CERS6: variants seen among roughly 807,000 people sequenced by gnomAD.
The protein encoded by CERS6 is ceramide synthase 6.
Under a neutral mutation model 56.8 loss-of-function variants are expected in CERS6, and 26 were observed. The observed-to-expected ratio is 0.46, with a 90% CI of 0.34 to 0.63. The LOEUF (loss-of-function observed/expected upper bound fraction) is 0.63. CERS6 is among the 30% of genes least tolerant of loss of function. The pLI, the probability that CERS6 is intolerant of heterozygous loss-of-function variation, is 0.01. For synonymous variants in CERS6, 164 were observed against 173.3 expected, an observed-to-expected ratio of 0.95 and a Z score of 0.42; for missense variants, 415 against 467.5, an observed-to-expected ratio of 0.89 and a Z score of 1.04.
At chr2:168,462,626 C>G (rs1239594553) in intron 1 of CERS6, among the ~76,000 whole-genome samples, 1 of 152,140 alleles carries the variant, frequency 6.6e-6, no homozygotes, top group Non-Finnish European at 1.5e-5. Flanking sequence ...CTCACTACAG[C>G]CTTGAGGCTC....
chr2:168,477,210 AG>A (rs1694092725), intron 1 of CERS6, among the ~76,000 whole-genome samples: 2 of 146,382 alleles, frequency 1.4e-5, no homozygotes, highest in African/African-American at 5.0e-5. Context: ...AGAGAGAGAG[AG>A]AGAGAGAGTC....
intron 1 of CERS6, among the ~76,000 whole-genome samples, chr2:168,530,911 G>A (rs11675546): frequency 1.3e-3 from 195 of 152,260 alleles, no homozygotes; most frequent in Middle Eastern, 0.01. Flanking sequence ...AAAGTTTCTT[G>A]TGAATCGTTT....
intron 8 of CERS6, among the ~76,000 whole-genome samples, chr2:168,739,398 G>A (rs542213651): frequency 1.8e-3 from 277 of 152,180 alleles, no homozygotes; most frequent in Non-Finnish European, 2.6e-3. Context: ...ATCTTACTCC[G>A]GGAATAGAGT....
intron 4 of CERS6, among the ~76,000 whole-genome samples, chr2:168,658,935 A>G (rs920581449): frequency 2.0e-5 from 3 of 152,204 alleles, no homozygotes; most frequent in African/African-American, 7.2e-5. Context: ...ATCGGGAGCA[A>G]TTATGGGAAG....
rs554888533 is a variant in CERS6 at position 168,736,449 on chromosome 2, C to T, written c.845+18471C>T. On this transcript the variant is annotated intron_variant, in intron 8 of 9. Transcript: ENST00000305747. ...TCAAGGGATCCTCCTGCCTCAGCCTCCCAAGCACGGGCACTACAGGCGTGT... is the reference window on the plus strand; with the variant it reads ...TCAAGGGATCCTCCTGCCTCAGCCTTCCAAGCACGGGCACTACAGGCGTGT... 2.6e-5 allele frequency among the ~76,000 whole-genome samples: 4 copies of T among 152,240 alleles called. No individual in the cohort carries two copies. In the South Asian group the frequency reaches 8.3e-4, roughly 32 times the overall value.
Position 168,774,435 on chromosome 2 carries a change from T to C in CERS6, c.*4773T>C, listed in dbSNP as rs1684947499. On this transcript the variant is annotated 3_prime_UTR_variant, in exon 10 of 10. Coordinates refer to ENST00000305747, the MANE Select transcript of CERS6 (RefSeq NM_203463.3). Reference sequence around the variant, plus strand: ...GGAAAAAGTAGTATGCCCATGTATGTGTGTTTTTCTTAACACAGGTCCATG... The same window carrying C: ...GGAAAAAGTAGTATGCCCATGTATGCGTGTTTTTCTTAACACAGGTCCATG... 3 of 152,352 alleles carry C rather than the reference T, an allele frequency of 2.0e-5. No individual in the cohort carries two copies. The South Asian group carries it at 6.2e-4, about 32-fold the overall frequency. The allele number at this position is 152,352 out of a possible 1,614,324, so 9.4% of individuals were successfully genotyped here. A position where few individuals can be genotyped will look rare whatever the true frequency, so the allele number is the denominator to read the frequency against.
Position 168,631,012 on chromosome 2 carries a change from A to T in CERS6, c.435A>T (p.Val145=), listed in dbSNP as rs1447503405. The T allele has an allele frequency of 6.5e-7, 1 of 1,534,060 alleles. No homozygotes were observed. The highest frequency in any genetic ancestry group is 1.4e-5 in the African/African-American group (1 of 71,416). ...GGAGATTTTCATTTTACCTTTATGT[A>T]TTTACCTACGGAGTCAGATTCCTGA... ...SMWRFSFYLY[V]FTYGVRFLKK... Residue 145 remains valine (V), a synonymous_variant, in exon 4 of 10, where the codon GTA becomes GTT. Coordinates refer to ENST00000305747, the MANE Select transcript of CERS6 (RefSeq NM_203463.3).
At chr2:168,688,319 A>T (rs1235143975) in intron 4 of CERS6, among the ~76,000 whole-genome samples, 1 of 152,002 alleles carries the variant, frequency 6.6e-6, no homozygotes, top group Non-Finnish European at 1.5e-5. Context: ...AAAACTGGAA[A>T]ATTTTTTATC....
intron 8 of CERS6, among the ~76,000 whole-genome samples, chr2:168,756,192 T>G (rs1684413101): frequency 6.6e-6 from 1 of 152,198 alleles, no homozygotes; most frequent in South Asian, 2.1e-4. Flanking sequence ...TTATACTCTT[T>G]TAGAAAACTG....
rs59913751 is a variant in CERS6, at chr2:168,574,370, TTGTGTG to T, written c.407+13088_407+13093del. On this transcript the variant is annotated intron_variant, in intron 3 of 9. Transcript: ENST00000305747. ...CAATACTTACGTGGCTCAATAAGTT[TTGTGTG>T]TGTGTGTGTGTGTGTGTGTGTGTGT... Among the ~76,000 whole-genome samples, 1,015 of 148,782 alleles carry T rather than the reference TTGTGTG, an allele frequency of 6.8e-3. 11 individuals are homozygous for T. The highest frequency in any genetic ancestry group is 0.014 in the African/African-American group (543 of 40,012).
intron 1 of CERS6, among the ~76,000 whole-genome samples, chr2:168,488,413 G>A (rs2045041): frequency 0.078 from 11,825 of 152,134 alleles, 516 homozygotes; most frequent in East Asian, 0.18. Context: ...ATTATATGAC[G>A]TAGTTTCTTC....
At chr2:168,746,509 G>A (rs1684100367) in intron 8 of CERS6, among the ~76,000 whole-genome samples, 1 of 151,778 alleles carries the variant, frequency 6.6e-6, no homozygotes, top group African/African-American at 2.4e-5. Context: ...TGGGTGGAGG[G>A]ACATGATGAG....
chr2:168,720,214 G>A (rs565753825), intron 8 of CERS6, among the ~76,000 whole-genome samples: 1 of 152,080 alleles, frequency 6.6e-6, no homozygotes, highest in African/African-American at 2.4e-5. Context: ...ACAGGCATGA[G>A]CCACCGTGCC....
At chr2:168,492,038 G>C (rs886095174) in intron 1 of CERS6, among the ~76,000 whole-genome samples, 3 of 152,142 alleles carry the variant, frequency 2.0e-5, no homozygotes, top group African/African-American at 7.2e-5. Context: ...ATTTGGGTTG[G>C]TTCCAAGTCT....
At chr2:168,659,988 G>T (rs1196487064) in intron 4 of CERS6, among the ~76,000 whole-genome samples, 1 of 152,150 alleles carries the variant, frequency 6.6e-6, no homozygotes, top group Non-Finnish European at 1.5e-5. Flanking sequence ...AATTCAAATG[G>T]AATACAAACG....
chr2:168,605,385 C>T (rs949500033), intron 3 of CERS6, among the ~76,000 whole-genome samples: 1 of 152,138 alleles, frequency 6.6e-6, no homozygotes, highest in Admixed American at 6.5e-5. Flanking sequence ...GAAATGATAT[C>T]CAATTGGAAC....
chr2:168,468,188 T>C lies in CERS6; in HGVS notation c.170+11570T>C, dbSNP rs78768029. 3.2e-3 allele frequency among the ~76,000 whole-genome samples: 483 copies of C among 152,296 alleles called. 6 individuals are homozygous for C. The highest frequency in any genetic ancestry group is 0.011 in the African/African-American group (463 of 41,570). On this transcript the variant is annotated intron_variant, in intron 1 of 9. Coordinates refer to ENST00000305747, the MANE Select transcript of CERS6 (RefSeq NM_203463.3). ...CTGAGAGCCTGGCCTCTGCTCTGGC[T>C]TCTGTGCCTTTGGAGAGAGACCCCC... is the stretch of plus-strand genomic sequence containing the variant.
chr2:168,513,305 T>C (rs938134760), intron 1 of CERS6, among the ~76,000 whole-genome samples: 5 of 152,238 alleles, frequency 3.3e-5, no homozygotes, highest in Admixed American at 6.5e-5. Context: ...TACACTGTTA[T>C]TAAATGACTT....
At chr2:168,557,917 T>C (rs1388898344) in intron 2 of CERS6, among the ~76,000 whole-genome samples, 1 of 152,078 alleles carries the variant, frequency 6.6e-6, no homozygotes, top group Non-Finnish European at 1.5e-5. Context: ...CCCTAACATA[T>C]GAAGATGCCT....
Sources: gnomAD v4.1 joint callset for allele counts (sites outside exome capture counted in the v4.1 genomes callset) on GRCh38, gnomAD v4.1.1 for gene constraint, MANE v1.5 for transcripts, NCBI Gene and HGNC (gene_info 2026-07-23, HGNC 2026-07-21) for gene names.